Variants in ASIC2 observed in about 807,000 individuals in gnomAD.
The protein encoded by ASIC2 is acid sensing ion channel subunit 2.
Under a neutral mutation model 57.3 loss-of-function variants are expected in ASIC2, and 25 were observed. The ratio of observed to expected loss-of-function variants is 0.44; its 90% confidence interval spans 0.32 to 0.61. The LOEUF is 0.61. Among genes scored for constraint, ASIC2 ranks in the 20% least tolerant of loss-of-function variants. The pLI, the probability that ASIC2 is intolerant of heterozygous loss-of-function variation, is 0.06. For synonymous variants in ASIC2, 319 were observed against 307.5 expected, an observed-to-expected ratio of 1.04 and a Z score of -0.39; for missense variants, 641 against 738.1, an observed-to-expected ratio of 0.87 and a Z score of 1.52.
intron 1 of ASIC2, among the ~76,000 whole-genome samples, chr17:33,520,074 T>C (rs1914694737): frequency 6.6e-6 from 1 of 152,212 alleles, no homozygotes; most frequent in Non-Finnish European, 1.5e-5. Context: ...ATCCAAGAGC[T>C]GATTATGAGC....
At position 33,593,010 on chromosome 17, in the gene ASIC2, T is replaced by C. The variant is rs183796086; in HGVS notation, c.556-480943A>G. Among the ~76,000 whole-genome samples the C allele has an allele frequency of 4.2e-3, 645 of 152,254 alleles. 10 individuals carry two copies. Among genetic ancestry groups the C allele is most frequent in the Admixed American group, 0.022 (340 of 15,286 alleles). On this transcript the variant is annotated intron_variant, in intron 1 of 9. Transcript: ENST00000359872. ...GTTTCAGAGAGTTCATAATCCCCTT[T>C]CCCCAAATTGAAGTGTATGTCTATT...
At chr17:33,762,898 G>A (rs565958797) in intron 1 of ASIC2, among the ~76,000 whole-genome samples, 34 of 152,298 alleles carry the variant, frequency 2.2e-4, no homozygotes, top group Admixed American at 1.4e-3. Flanking sequence ...AGTCCGTTGC[G>A]GGGCCTTGGC....
rs530670653 is a variant in ASIC2 at position 34,058,077 on chromosome 17, C to G, written c.555+97901G>C. 2.6e-5 allele frequency among the ~76,000 whole-genome samples: 4 copies of G among 152,332 alleles called. No homozygotes were observed. The East Asian group carries it at 7.7e-4, about 29-fold the overall frequency. Reference sequence around the variant, plus strand: ...AAGCCTAACTCAACTTTCTCCTTGTCCAAGAAGACTTGTCACAGCTCCTTA... The same window carrying G: ...AAGCCTAACTCAACTTTCTCCTTGTGCAAGAAGACTTGTCACAGCTCCTTA... On this transcript the variant is annotated intron_variant, in intron 1 of 9. Transcript: ENST00000359872.
At chr17:33,568,100 C>T (rs1440736533) in intron 1 of ASIC2, among the ~76,000 whole-genome samples, 1 of 152,154 alleles carries the variant, frequency 6.6e-6, no homozygotes, top group African/African-American at 2.4e-5. Flanking sequence ...TCAATCTGAC[C>T]TCCCTCCACA....
At chr17:33,845,909 T>A (rs1448695127) in intron 1 of ASIC2, among the ~76,000 whole-genome samples, 1 of 152,210 alleles carries the variant, frequency 6.6e-6, no homozygotes, top group African/African-American at 2.4e-5. Context: ...AAACTGCTAT[T>A]AGCATTTAGC....
At chr17:33,263,574 G>C (rs1348424165) in intron 1 of ASIC2, among the ~76,000 whole-genome samples, 3 of 152,172 alleles carry the variant, frequency 2.0e-5, no homozygotes, top group Non-Finnish European at 4.4e-5. Flanking sequence ...CTGGAGATGG[G>C]GCCTCCCCTC....
At chr17:33,716,176 C>G (rs1030272009) in intron 1 of ASIC2, among the ~76,000 whole-genome samples, 1 of 152,218 alleles carries the variant, frequency 6.6e-6, no homozygotes, top group Non-Finnish European at 1.5e-5. Context: ...CTAACTGGTT[C>G]ATCCTGACAC....
chr17:33,579,630 G>T (rs1053170725), intron 1 of ASIC2, among the ~76,000 whole-genome samples: 2 of 152,158 alleles, frequency 1.3e-5, no homozygotes, highest in African/African-American at 4.8e-5. Flanking sequence ...GTGTTCAGCT[G>T]CGTCTGAAGT....
At chr17:34,145,768 C>G (rs182122058) in intron 1 of ASIC2, among the ~76,000 whole-genome samples, 1 of 152,340 alleles carries the variant, frequency 6.6e-6, no homozygotes, top group Non-Finnish European at 1.5e-5. Flanking sequence ...CTCCTCATCG[C>G]TCGTGGTTTC....
intron 1 of ASIC2, among the ~76,000 whole-genome samples, chr17:33,375,301 C>T (rs143913316): frequency 1.1e-3 from 174 of 151,374 alleles, no homozygotes; most frequent in African/African-American, 4.0e-3. Flanking sequence ...AAGAATCTCC[C>T]GGCAGAGGAA....
chr17:33,351,190 T>C (rs1467240292), intron 1 of ASIC2, among the ~76,000 whole-genome samples: 1 of 152,184 alleles, frequency 6.6e-6, no homozygotes, highest in Admixed American at 6.5e-5. Flanking sequence ...CATCATAGAA[T>C]GAATCTGAAG....
At chr17:33,208,518 G>T (rs953142513) in intron 1 of ASIC2, among the ~76,000 whole-genome samples, 24 of 152,070 alleles carry the variant, frequency 1.6e-4, no homozygotes, top group Admixed American at 3.3e-4. Context: ...TCAGAGCTTT[G>T]CTTGGCTTAC....
At chr17:33,400,614 A>T (rs1355624092) in intron 1 of ASIC2, among the ~76,000 whole-genome samples, 1 of 152,180 alleles carries the variant, frequency 6.6e-6, no homozygotes, top group Non-Finnish European at 1.5e-5. Context: ...GCTGAAAAGG[A>T]TCTAGCATCT....
intron 1 of ASIC2, among the ~76,000 whole-genome samples, chr17:33,776,504 G>T (rs184902091): frequency 6.6e-6 from 1 of 152,344 alleles, no homozygotes; most frequent in East Asian, 1.9e-4. Context: ...AGATGGTAAG[G>T]TTGCCAGATA....
chr17:33,937,519 C>G (rs1916094087), intron 1 of ASIC2, among the ~76,000 whole-genome samples: 1 of 152,032 alleles, frequency 6.6e-6, no homozygotes, highest in African/African-American at 2.4e-5. Context: ...TCACTTGTGA[C>G]TCTACTAACA....
intron 1 of ASIC2, among the ~76,000 whole-genome samples, chr17:33,370,994 C>CATTAT (rs754867530): frequency 0.23 from 35,185 of 152,106 alleles, 4,389 homozygotes; most frequent in Non-Finnish European, 0.27. Context: ...GGAACACGCC[C>CATTAT]ACTCTAGGTA....
intron 1 of ASIC2, among the ~76,000 whole-genome samples, chr17:34,029,216 G>A (rs2142035283): frequency 6.6e-6 from 1 of 151,672 alleles, no homozygotes; most frequent in Non-Finnish European, 1.5e-5. Flanking sequence ...TATCTTTCTT[G>A]TCTACATTCT....
At chr17:34,073,420 C>T (rs1398241041) in intron 1 of ASIC2, among the ~76,000 whole-genome samples, 1 of 152,170 alleles carries the variant, frequency 6.6e-6, no homozygotes, top group African/African-American at 2.4e-5. Context: ...TTGTTACGAC[C>T]TTATCAGAGG....
At chr17:33,016,075 G>A (rs766937728) in intron 8 of ASIC2, 36 bp from the exon 9 acceptor site, 10 of 1,609,568 alleles carry the variant, frequency 6.2e-6, no homozygotes, top group Non-Finnish European at 8.5e-6. Flanking sequence ...GTCAGGCCGG[G>A]AAGAGGGTGC....
Sources: gnomAD v4.1 joint callset for allele counts (sites outside exome capture counted in the v4.1 genomes callset) on GRCh38, gnomAD v4.1.1 for gene constraint, MANE v1.5 for transcripts, NCBI Gene and HGNC (gene_info 2026-07-23, HGNC 2026-07-21) for gene names.